The following PIN4 variants were observed in gnomAD, a reference collection of about 807,000 sequenced individuals.
PIN4 encodes the protein peptidylprolyl cis/trans isomerase, NIMA-interacting 4, also known as peptidyl-prolyl cis-trans isomerase NIMA-interacting 4.
PIN4 carries 3 observed loss-of-function variants against 8.3 expected under a neutral mutation model. That is an observed-to-expected ratio of 0.36 (90% CI 0.16 to 0.93). PIN4 has a LOEUF of 0.93. Ranked by LOEUF, PIN4 falls within the 40% of genes least tolerant of loss-of-function variation. PIN4 has a pLI of 0.44. For missense variants in PIN4, 75 were observed against 100.6 expected (o/e 0.75, Z 1.09); for synonymous variants, 18 against 32.5 (o/e 0.55, Z 1.52).
chrX:72,201,036 A>G (rs1422178379), downstream of PIN4, among the ~76,000 whole-genome samples: 1 of 110,640 alleles, frequency 9.0e-6, no homozygotes, highest in East Asian at 2.8e-4. Flanking sequence ...CCTGTCTACA[A>G]AAAATTTTAA....
At chrX:72,192,835 G>A (rs1159406909) in intron 2 of PIN4, among the ~76,000 whole-genome samples, 1 of 110,811 alleles carries the variant, frequency 9.0e-6, no homozygotes, top group Non-Finnish European at 1.9e-5. Context: ...CATCCTCAAG[G>A]GATCCTCCCA....
In PIN4 at chrX:72,185,802, A is replaced by G. The variant is rs562655367; in HGVS notation, c.44-659A>G. On this transcript the variant is annotated intron_variant, in intron 1 of 3. Transcript: ENST00000373669. ...ACATGAATGTATTCTTTAGCCAAAA[A>G]TGGGTAGTGGGAAATTTGATCTTTT... 1.6e-4 allele frequency among the ~76,000 whole-genome samples: 18 copies of G among 112,707 alleles called. No homozygotes were observed. In the South Asian group the frequency reaches 6.5e-3, roughly 41 times the overall value.
chrX:72,239,374 C>T (rs969461444), intron 3 of PIN4, among the ~76,000 whole-genome samples: 6 of 112,636 alleles, frequency 5.3e-5, no homozygotes, highest in African/African-American at 1.9e-4. Context: ...TACCCTGCCC[C>T]GCATCCACAG....
intron 3 of PIN4, chrX:72,206,576 G>A: frequency 8.3e-7 from 1 of 1,211,178 alleles, no homozygotes. Context: ...GGTTCTCTTA[G>A]CCAGGCCCCC....
intron 3 of PIN4, among the ~76,000 whole-genome samples, chrX:72,256,275 T>C (rs1226978655): frequency 4.5e-5 from 5 of 111,652 alleles, no homozygotes; most frequent in African/African-American, 1.6e-4. Flanking sequence ...ACCAACAGGA[T>C]CTCTAGATTT....
chrX:72,181,755 GCGGTT>G, exon 1 of PIN4: 1 of 1,190,805 alleles, frequency 8.4e-7, no homozygotes, highest in South Asian at 1.8e-5. Context: ...GGCAACTGGA[GCGGTT>G]CAGCGTTCAA....
At chrX:72,208,562 C>T in intron 3 of PIN4, 1 of 1,211,847 alleles carries the variant, frequency 8.3e-7, no homozygotes, top group Non-Finnish European at 1.1e-6. Context: ...TCTGCCAACT[C>T]CTCCAAGGCT....
At chrX:72,194,671 C>A (rs765582582) in intron 2 of PIN4, among the ~76,000 whole-genome samples, 1 of 99,338 alleles carries the variant, frequency 1.0e-5, no homozygotes, top group African/African-American at 3.7e-5. Context: ...CATTGCACTC[C>A]AGCCTGGGCA....
At chrX:72,236,690 T>A (rs1005470184) in intron 3 of PIN4, among the ~76,000 whole-genome samples, 7 of 111,407 alleles carry the variant, frequency 6.3e-5, no homozygotes, top group Admixed American at 5.7e-4. Context: ...GGTCAGTAGG[T>A]TCTTGGCAAC....
intron 2 of PIN4, among the ~76,000 whole-genome samples, chrX:72,187,959 C>T (rs2042711735): frequency 8.9e-6 from 1 of 111,815 alleles, no homozygotes; most frequent in Non-Finnish European, 1.9e-5. Flanking sequence ...AAAGAGAGAT[C>T]ATGTAAATGG....
chrX:72,203,427 G>A (rs2042799038), intron 3 of PIN4, among the ~76,000 whole-genome samples: 2 of 111,866 alleles, frequency 1.8e-5, no homozygotes, highest in South Asian at 7.4e-4. Flanking sequence ...TTAACATGGG[G>A]ACCGAACACT....
chrX:72,239,690 T>G (rs1458356440), intron 3 of PIN4, among the ~76,000 whole-genome samples: 1 of 102,242 alleles, frequency 9.8e-6, no homozygotes, highest in South Asian at 4.6e-4. Context: ...GAGAATCGCT[T>G]GGACCCAGGA....
intron 3 of PIN4, among the ~76,000 whole-genome samples, chrX:72,250,809 G>A (rs1004078662): frequency 1.0e-5 from 1 of 98,568 alleles, no homozygotes; most frequent in Non-Finnish European, 2.0e-5. Flanking sequence ...CCGCAATCTC[G>A]GCTCACTGCA....
chrX:72,181,960 C>A, intron 1 of PIN4, 132 bp downstream of exon 1: 1 of 505,182 alleles, frequency 2.0e-6, no homozygotes, highest in Non-Finnish European at 3.6e-6. Context: ...CCATCGATTA[C>A]ATCTGTAGGA....
rs1320151265 is a variant in PIN4, at chrX:72,197,810, ACT to A, written c.*288_*289del. ...CTCTTTCCTCCCAGAACTATATCTG[ACT>A]CTCAGTCTGTCCCATAAATTAATTC... On this transcript the variant is annotated 3_prime_UTR_variant, in exon 4 of 4. Transcript: ENST00000373669. 3 of 798,005 alleles carry A rather than the reference ACT, an allele frequency of 3.8e-6. No individual in the cohort carries two copies. The highest frequency in any genetic ancestry group is 1.8e-4 in the East Asian group (2 of 10,974). 65.8% of individuals were successfully genotyped at this position (798,005 alleles called of 1,213,427 possible).
chrX:72,243,664 G>A (rs146398811), intron 3 of PIN4, among the ~76,000 whole-genome samples: 2,107 of 112,014 alleles, frequency 0.019, 25 homozygotes, highest in African/African-American at 0.052. Context: ...TGAGTCATCC[G>A]CACTCACAGG....
Position 72,198,294 on chromosome X carries a change from C to T in PIN4, c.*768C>T. 1.4e-6 allele frequency: 1 copy of T among 709,728 alleles called. No homozygotes were observed. The highest frequency in any genetic ancestry group is 1.7e-6 in the Non-Finnish European group (1 of 598,454). The allele number at this position is 709,728 out of a possible 1,213,427, so 58.5% of individuals were successfully genotyped here. On this transcript the variant is annotated 3_prime_UTR_variant, in exon 4 of 4. Coordinates refer to ENST00000373669, the MANE Select transcript of PIN4 (RefSeq NM_006223.4). ...GACATATAAAAAAGTATAAAGATTA[C>T]TAATATAAATACTATACTGCTTCAA...
rs780344606 is a variant in PIN4, at chrX:72,206,186, G to A, written c.312+9282G>A. Reference sequence around the variant, plus strand: ...AGTACATAATTAAAACTTTCCAGAGGATCCTCTTGCAGTGCCTCTTGCTTA... The same window carrying A: ...AGTACATAATTAAAACTTTCCAGAGAATCCTCTTGCAGTGCCTCTTGCTTA... On this transcript the variant is annotated intron_variant, in intron 3 of 3. Transcript: ENST00000423432. The A allele has an allele frequency of 2.5e-6, 3 of 1,211,491 alleles. No individual in the cohort carries two copies. In the South Asian group the frequency reaches 5.3e-5, roughly 21 times the overall value.
chrX:72,201,475 A>C (rs866729921), downstream of PIN4, among the ~76,000 whole-genome samples: 37 of 110,963 alleles, frequency 3.3e-4, no homozygotes, highest in African/African-American at 1.2e-3. Flanking sequence ...GCACACCTGT[A>C]GTCCCAGCTA....
Sources: gnomAD v4.1 joint callset for allele counts (sites outside exome capture counted in the v4.1 genomes callset) on GRCh38, gnomAD v4.1.1 for gene constraint, MANE v1.5 for transcripts, NCBI Gene and HGNC (gene_info 2026-07-23, HGNC 2026-07-21) for gene names.